PXN: variants seen among roughly 807,000 people sequenced by gnomAD.
The protein encoded by PXN is testicular tissue protein Li 134.
Under a neutral mutation model 103.6 loss-of-function variants are expected in PXN, and 61 were observed. That is an observed-to-expected ratio of 0.59 (90% confidence interval 0.48 to 0.73). PXN has a LOEUF of 0.73. Ranked by LOEUF, PXN falls within the 30% of genes least tolerant of loss-of-function variation. The probability of loss-of-function intolerance (pLI) is 0.00; values close to 1 mark genes in which losing one functional copy is unlikely to be tolerated. For synonymous variants in PXN, 562 were observed against 607.8 expected (o/e 0.92, Z 1.11); for missense variants, 1,274 against 1,460.3 (o/e 0.87, Z 2.08).
chr12:120,251,069 A>C (rs1370767445), intron 1 of PXN, among the ~76,000 whole-genome samples: 1 of 151,834 alleles, frequency 6.6e-6, no homozygotes, highest in Admixed American at 6.6e-5. Context: ...GCTGGGTGTG[A>C]TGGCAGGTGC....
rs1336773419 is a variant in PXN at position 120,263,491 on chromosome 12, T to G, written c.13+2126A>C. On this transcript the variant is annotated intron_variant, in intron 1 of 14. Transcript: ENST00000637617. ...CTCCTCCCCAGGAAAAAAAGTCTTC[T>G]CGGTATACAAGAGCCACAGATCTGG... Among the ~76,000 whole-genome samples the G allele has an allele frequency of 2.0e-5, 3 of 152,270 alleles. No homozygotes were observed. In the East Asian group the frequency reaches 5.8e-4, roughly 29 times the overall value.
At chr12:120,243,085 C>G (rs1890433089) in intron 1 of PXN, among the ~76,000 whole-genome samples, 1 of 152,106 alleles carries the variant, frequency 6.6e-6, no homozygotes, top group Non-Finnish European at 1.5e-5. Flanking sequence ...AAATCACTAC[C>G]AATGAACTAA....
Position 120,211,958 on chromosome 12 carries a change from C to G in PXN, c.*356G>C. The G allele has an allele frequency of 1.8e-6, 1 of 560,460 alleles. No individual in the cohort carries two copies. The highest frequency in any genetic ancestry group is 3.5e-6 in the Non-Finnish European group (1 of 287,704). 34.7% of individuals were successfully genotyped at this position (560,460 alleles called of 1,614,324 possible). The stretch of plus-strand genomic sequence containing the variant: ...GACCCTGCCTGCCCTTCCCTGCCCC[C>G]CGGCTGCACTGCTGAAATATGAGGA... On this transcript the variant is annotated 3_prime_UTR_variant, in exon 15 of 15. Transcript: ENST00000637617.
Position 120,213,718 on chromosome 12 carries a change from T to G in PXN, c.2979+124A>C. ...GACTGGAGGAAGGAGATCCCCTGCCTGCTCCCCCAATTAATAACCCCAAAT... is the reference window on the plus strand; with the variant it reads ...GACTGGAGGAAGGAGATCCCCTGCCGGCTCCCCCAATTAATAACCCCAAAT... On this transcript the variant is annotated intron_variant, in intron 14 of 14. Coordinates refer to ENST00000637617, the MANE Select transcript of PXN (RefSeq NM_001385981.1). The surrounding 1 kb of genome is among the most constrained non-coding windows in gnomAD (Gnocchi z 4.2). The G allele has an allele frequency of 7.5e-7, 1 of 1,340,894 alleles. No individual in the cohort carries two copies. Among genetic ancestry groups the G allele is most frequent in the Non-Finnish European group, 1.0e-6 (1 of 987,192 alleles). The allele number at this position is 1,340,894 out of a possible 1,614,324, so 83.1% of individuals were successfully genotyped here.
At chr12:120,262,285 C>G (rs551220986) in intron 1 of PXN, among the ~76,000 whole-genome samples, 77 of 152,298 alleles carry the variant, frequency 5.1e-4, no homozygotes, top group African/African-American at 1.8e-3. Flanking sequence ...CTGGCTGTTC[C>G]CCCTGCTAGA....
chr12:120,217,205 G>A lies in PXN; in HGVS notation c.1717-89C>T. 3 of 1,118,162 alleles carry A rather than the reference G, an allele frequency of 2.7e-6. No homozygotes were observed. Among genetic ancestry groups the A allele is most frequent in the East Asian group, 2.6e-5 (1 of 37,998 alleles). 69.3% of individuals were successfully genotyped at this position (1,118,162 alleles called of 1,614,324 possible). A position where few individuals can be genotyped will look rare whatever the true frequency, so the allele number is the denominator to read the frequency against. Reference sequence around the variant, plus strand: ...CCACACTCAGATGCCTCAGGAGAGGGAGCACAAAAGAAAACCACCAAAGAA... The same window carrying A: ...CCACACTCAGATGCCTCAGGAGAGGAAGCACAAAAGAAAACCACCAAAGAA... On this transcript the variant is annotated intron_variant, in intron 7 of 14. Coordinates refer to ENST00000637617, the MANE Select transcript of PXN (RefSeq NM_001385981.1). The surrounding 1 kb of genome is among the most constrained non-coding windows in gnomAD (Gnocchi z 4.1).
rs865856305 is a variant in PXN at position 120,225,944 on chromosome 12, T to G, written c.14-1567A>C. 2.0e-4 allele frequency: 102 copies of G among 519,554 alleles called. 1 individual carries two copies. In the Middle Eastern group the frequency reaches 2.5e-3, roughly 13 times the overall value. 32.2% of individuals were successfully genotyped at this position (519,554 alleles called of 1,614,324 possible). On this transcript the variant is annotated intron_variant, in intron 1 of 14. Transcript: ENST00000637617. This position sits in a 1 kb window ranked among gnomAD's most constrained non-coding sequence, Gnocchi z 4.4. Reference sequence around the variant, plus strand: ...TGCCCAGATGGACAGAGGGGATGTCTGTTCCAAGGCCCAGGACCCCGGGTC... The same window carrying G: ...TGCCCAGATGGACAGAGGGGATGTCGGTTCCAAGGCCCAGGACCCCGGGTC...
chr12:120,214,005 T>G lies in PXN; in HGVS notation c.2831-15A>C. On this transcript the variant is annotated splice_polypyrimidine_tract_variant and intron_variant, in intron 13 of 14. Transcript: ENST00000637617. The surrounding 1 kb of genome is among the most constrained non-coding windows in gnomAD (Gnocchi z 5.0). ...CTCGTGGAACCCTGGGGAGCGGGGG[T>G]TTTGGAGGCACAGTTCATTCCGGCT... 3 of 1,609,506 alleles carry G rather than the reference T, an allele frequency of 1.9e-6. No homozygotes were observed. The highest frequency in any genetic ancestry group is 2.5e-6 in the Non-Finnish European group (3 of 1,178,516).
At chr12:120,248,463 G>C (rs147073344) in intron 1 of PXN, among the ~76,000 whole-genome samples, 2 of 145,508 alleles carry the variant, frequency 1.4e-5, no homozygotes, top group African/African-American at 5.2e-5. Context: ...GCACCCCCAA[G>C]CACACCATAT....
chr12:120,243,615 C>T (rs1047057906), intron 1 of PXN, among the ~76,000 whole-genome samples: 1 of 152,144 alleles, frequency 6.6e-6, no homozygotes, highest in Admixed American at 6.5e-5. Flanking sequence ...TGGATTGAAC[C>T]CAGGTGTTTG....
chr12:120,223,121 G>C, intron 3 of PXN, 122 bp from the exon 4 acceptor site: 5 of 1,513,664 alleles, frequency 3.3e-6, no homozygotes, highest in Non-Finnish European at 4.5e-6. Flanking sequence ...CCCGCAAGAG[G>C]ACAGAGGGTA....
chr12:120,217,761 G>A lies in PXN; in HGVS notation c.1717-645C>T, dbSNP rs889084899. Among the ~76,000 whole-genome samples the A allele has an allele frequency of 6.7e-6, 1 of 150,164 alleles. No individual in the cohort carries two copies. Among genetic ancestry groups the A allele is most frequent in the South Asian group, 2.1e-4 (1 of 4,736 alleles). ...CGCCTGGCTAATTTTTGTTGTTGTT[G>A]TTTTTTGTTTTTTTTTTTAGTAGAG... On this transcript the variant is annotated intron_variant, in intron 7 of 14. Transcript: ENST00000637617. The surrounding 1 kb of genome is among the most constrained non-coding windows in gnomAD (Gnocchi z 4.1).
chr12:120,231,821 T>G (rs1279805611), intron 1 of PXN, among the ~76,000 whole-genome samples: 4 of 152,202 alleles, frequency 2.6e-5, no homozygotes, highest in African/African-American at 7.2e-5. Flanking sequence ...AGACCAACTG[T>G]GCCAGGCCCA....
chr12:120,224,066 TC>T lies in PXN; in HGVS notation c.240+84del. The stretch of plus-strand genomic sequence containing the variant: ...GGTCGACTGCCCCAATTCCATTCCA[TC>T]CCCTGGCTCCCTAAGCCCCTGCCAG... On this transcript the variant is annotated intron_variant, in intron 2 of 14. Transcript: ENST00000637617. This position sits in a 1 kb window ranked among gnomAD's most constrained non-coding sequence, Gnocchi z 5.0. The T allele has an allele frequency of 8.8e-7, 1 of 1,136,448 alleles. No homozygotes were observed. Among genetic ancestry groups the T allele is most frequent in the Non-Finnish European group, 1.2e-6 (1 of 807,828 alleles). 70.4% of individuals were successfully genotyped at this position (1,136,448 alleles called of 1,614,324 possible).
chr12:120,231,826 G>T (rs1009434488), intron 1 of PXN, among the ~76,000 whole-genome samples: 6 of 152,194 alleles, frequency 3.9e-5, no homozygotes, highest in Non-Finnish European at 2.9e-5. Flanking sequence ...AACTGTGCCA[G>T]GCCCATCTGC....
In PXN at chr12:120,216,756, C is replaced by A; in HGVS notation, c.1992+85G>T. 1 of 1,594,042 alleles carries A rather than the reference C, an allele frequency of 6.3e-7. No homozygotes were observed. Among genetic ancestry groups the A allele is most frequent in the Non-Finnish European group, 8.5e-7 (1 of 1,178,440 alleles). ...CCCACCCTCTCCCCAGATCTCCCCT[C>A]CGGCCAGCACTGGGGCCAGGGAAGA... is the stretch of plus-strand genomic sequence containing the variant. On this transcript the variant is annotated intron_variant, in intron 8 of 14. Coordinates refer to ENST00000637617, the MANE Select transcript of PXN (RefSeq NM_001385981.1). The surrounding 1 kb of genome is among the most constrained non-coding windows in gnomAD (Gnocchi z 5.1).
chr12:120,225,986 A>G lies in PXN; in HGVS notation c.14-1609T>C. On this transcript the variant is annotated intron_variant, in intron 1 of 14. Coordinates refer to ENST00000637617, the MANE Select transcript of PXN (RefSeq NM_001385981.1). This position sits in a 1 kb window ranked among gnomAD's most constrained non-coding sequence, Gnocchi z 4.4. ...CCCCGGGTCTGGTCGCCTGACCTCCAAGGAAGTTCAGGTCCTACAGCCCGC... is the reference window on the plus strand; with the variant it reads ...CCCCGGGTCTGGTCGCCTGACCTCCGAGGAAGTTCAGGTCCTACAGCCCGC... 1 of 962,040 alleles carries G rather than the reference A, an allele frequency of 1.0e-6. No homozygotes were observed. The highest frequency in any genetic ancestry group is 2.7e-5 in the South Asian group (1 of 37,102). The allele number at this position is 962,040 out of a possible 1,614,324, so 59.6% of individuals were successfully genotyped here.
Position 120,224,365 on chromosome 12 carries a change from G to A in PXN, c.26C>T (p.Ala9Val), listed in dbSNP as rs566420448. 44 of 1,613,704 alleles carry A rather than the reference G, an allele frequency of 2.7e-5. No individual in the cohort carries two copies. In the South Asian group the frequency reaches 2.9e-4, roughly 10 times the overall value. The change falls in exon 2 of 15, where the codon GCG becomes GTG. Residue 9 changes from alanine to valine, a missense_variant. Transcript: ENST00000637617. This position sits in a 1 kb window ranked among gnomAD's most constrained non-coding sequence, Gnocchi z 5.0. MDDLDALL[A>V]DLESTTSHIS... Reference sequence around the variant, plus strand: ...GTGGGAGGTGGTAGACTCCAAGTCCGCCAGCAGGGCGTCTGCAAAGAGAAG... The same window carrying A: ...GTGGGAGGTGGTAGACTCCAAGTCCACCAGCAGGGCGTCTGCAAAGAGAAG...
At position 120,228,992 on chromosome 12, in the gene PXN, A is replaced by G. The variant is rs1887476723; in HGVS notation, c.14-4615T>C. ...GAGCGTAATCCTTACAACCGGTGGG[A>G]GCCGCTGGAGGGTTAAGGTACAGAC... On this transcript the variant is annotated intron_variant, in intron 1 of 14. Transcript: ENST00000637617. The surrounding 1 kb of genome is among the most constrained non-coding windows in gnomAD (Gnocchi z 4.7). Among the ~76,000 whole-genome samples the G allele has an allele frequency of 6.6e-6, 1 of 151,436 alleles. No individual in the cohort carries two copies. Among genetic ancestry groups the G allele is most frequent in the South Asian group, 2.1e-4 (1 of 4,794 alleles).
Sources: gnomAD v4.1 joint callset for allele counts (sites outside exome capture counted in the v4.1 genomes callset) on GRCh38, gnomAD v4.1.1 for gene constraint, Gnocchi (gnomAD v3.1) non-coding constraint, MANE v1.5 for transcripts, NCBI Gene and HGNC (gene_info 2026-07-23, HGNC 2026-07-21) for gene names.